The following PCP4L1 variants were observed in gnomAD, a reference collection of about 807,000 sequenced individuals.
PCP4L1 encodes the protein Purkinje cell protein 4-like protein 1.
PCP4L1 carries 9 observed loss-of-function variants against 9.6 expected under a neutral mutation model. The ratio of observed to expected loss-of-function variants is 0.94; its 90% confidence interval spans 0.57 to 1.64. The LOEUF is 1.64. Ranked by LOEUF, PCP4L1 falls within the 40% of genes most tolerant of loss-of-function variation. The pLI is 0.00. For missense variants in PCP4L1, 81 were observed against 80.8 expected, an observed-to-expected ratio of 1.00 and a Z score of -0.01; for synonymous variants, 31 against 28.2, an observed-to-expected ratio of 1.10 and a Z score of -0.31.
chr1:161,279,032 C>T (rs1364095189), intron 1 of PCP4L1, among the ~76,000 whole-genome samples: 2 of 152,072 alleles, frequency 1.3e-5, no homozygotes. Context: ...ATCCGCCCAC[C>T]TTGGCCTCCC....
intron 1 of PCP4L1, among the ~76,000 whole-genome samples, chr1:161,275,969 G>A (rs1344240170): frequency 6.6e-6 from 1 of 151,650 alleles, no homozygotes; most frequent in Non-Finnish European, 1.5e-5. Context: ...CTAATTTTGT[G>A]TTTTTAGTAG....
At chr1:161,266,705 TAA>T (rs1403112380) in intron 1 of PCP4L1, among the ~76,000 whole-genome samples, 1 of 152,136 alleles carries the variant, frequency 6.6e-6, no homozygotes, top group African/African-American at 2.4e-5. Flanking sequence ...GTATATATAT[TAA>T]GAGAGGAATG....
chr1:161,270,125 G>A (rs566671966), intron 1 of PCP4L1, among the ~76,000 whole-genome samples: 10 of 151,782 alleles, frequency 6.6e-5, no homozygotes, highest in South Asian at 6.3e-4. Context: ...GGTGAAACCC[G>A]GTCTCTACTA....
chr1:161,275,657 C>T (rs775228660), intron 1 of PCP4L1, among the ~76,000 whole-genome samples: 25 of 151,842 alleles, frequency 1.6e-4, no homozygotes, highest in Admixed American at 4.6e-4. Context: ...GATCAGAGTC[C>T]GAGATTTACT....
At chr1:161,270,236 G>A (rs1321201258) in intron 1 of PCP4L1, among the ~76,000 whole-genome samples, 1 of 152,138 alleles carries the variant, frequency 6.6e-6, no homozygotes, top group African/African-American at 2.4e-5. Context: ...GTCAGAGGCT[G>A]CAGTGAGCTG....
At chr1:161,283,821 G>T in intron 2 of PCP4L1, 99 bp downstream of exon 2, 3 of 1,240,458 alleles carry the variant, frequency 2.4e-6, no homozygotes, top group Non-Finnish European at 3.4e-6. Context: ...AGACATGAAA[G>T]GAATAAGAAT....
chr1:161,284,563 G>A lies in PCP4L1; in HGVS notation c.*82G>A. Reference sequence around the variant, plus strand: ...CCACACCCATGTATCTTTATCCCTTGTCCCTCTAGCCTTTCCTTGAGGCAA... The same window carrying A: ...CCACACCCATGTATCTTTATCCCTTATCCCTCTAGCCTTTCCTTGAGGCAA... On this transcript the variant is annotated 3_prime_UTR_variant, in exon 3 of 3. Transcript: ENST00000504449. The A allele has an allele frequency of 6.5e-7, 1 of 1,536,806 alleles. No individual in the cohort carries two copies. The highest frequency in any genetic ancestry group is 8.8e-7 in the Non-Finnish European group (1 of 1,137,494).
chr1:161,271,586 C>T (rs1669626566), intron 1 of PCP4L1, among the ~76,000 whole-genome samples: 1 of 152,110 alleles, frequency 6.6e-6, no homozygotes, highest in South Asian at 2.1e-4. Flanking sequence ...TCACTGCAAC[C>T]TCTGCCTCCA....
chr1:161,275,016 T>C (rs1176370045), intron 1 of PCP4L1, among the ~76,000 whole-genome samples: 1 of 151,364 alleles, frequency 6.6e-6, no homozygotes, highest in African/African-American at 2.4e-5. Context: ...CCCCGGGGGG[T>C]GGGGGGACCA....
chr1:161,262,412 C>T (rs1043072945), intron 1 of PCP4L1, among the ~76,000 whole-genome samples: 15 of 122,750 alleles, frequency 1.2e-4, no homozygotes, highest in Non-Finnish European at 1.9e-4. Flanking sequence ...CCAGCCTGGG[C>T]GACAGAGCGA....
rs549741009 is a variant in PCP4L1, at chr1:161,284,499, T to C, written c.*18T>C. The C allele has an allele frequency of 8.1e-6, 13 of 1,606,510 alleles. No homozygotes were observed. In the African/African-American group the frequency reaches 1.1e-4, roughly 13 times the overall value. On this transcript the variant is annotated 3_prime_UTR_variant, in exon 3 of 3. Transcript: ENST00000504449. Reference sequence around the variant, plus strand: ...GCTCCTGAATGGCCAGGCTTGCCCTTCACCTTCACCTTCATGCTGGTCCCT... The same window carrying C: ...GCTCCTGAATGGCCAGGCTTGCCCTCCACCTTCACCTTCATGCTGGTCCCT...
chr1:161,278,275 C>T (rs920165707), intron 1 of PCP4L1, among the ~76,000 whole-genome samples: 8 of 152,124 alleles, frequency 5.3e-5, no homozygotes, highest in Non-Finnish European at 1.2e-4. Flanking sequence ...AAACTTGTCT[C>T]AAGTCTTAGT....
chr1:161,266,744 T>G (rs1196147095), intron 1 of PCP4L1, among the ~76,000 whole-genome samples: 1 of 152,132 alleles, frequency 6.6e-6, no homozygotes, highest in African/African-American at 2.4e-5. Flanking sequence ...GCAGTAAGGA[T>G]TCCTAGTTCT....
chr1:161,270,729 G>C (rs1669610883), intron 1 of PCP4L1, among the ~76,000 whole-genome samples: 1 of 152,030 alleles, frequency 6.6e-6, no homozygotes, highest in South Asian at 2.1e-4. Flanking sequence ...AACAAAATTA[G>C]CTGGGCATGG....
chr1:161,260,540 T>A lies in PCP4L1; in HGVS notation c.9+1557T>A, dbSNP rs564261880. 2.0e-5 allele frequency among the ~76,000 whole-genome samples: 3 copies of A among 152,304 alleles called. No individual in the cohort carries two copies. The East Asian group carries it at 5.8e-4, about 29-fold the overall frequency. The stretch of plus-strand genomic sequence containing the variant: ...CAAGCCATCCCCTGGGAGTTTGTGA[T>A]CTGAAGGCTATGCCAACGTGAGGAT... On this transcript the variant is annotated intron_variant, in intron 1 of 2. Transcript: ENST00000504449.
chr1:161,263,877 C>T (rs113202954), intron 1 of PCP4L1, among the ~76,000 whole-genome samples: 14,091 of 138,064 alleles, frequency 0.1, 863 homozygotes, highest in Middle Eastern at 0.16. Context: ...AGCTACCATG[C>T]TTGGCCTCAA....
intron 1 of PCP4L1, among the ~76,000 whole-genome samples, chr1:161,266,192 G>A (rs2501878): frequency 0.62 from 93,622 of 151,922 alleles, 29,396 homozygotes; most frequent in African/African-American, 0.74. Context: ...CCCACCCAGG[G>A]AAAAGGGGTA....
intron 1 of PCP4L1, among the ~76,000 whole-genome samples, chr1:161,267,751 A>G (rs1308073215): frequency 6.6e-6 from 1 of 152,010 alleles, no homozygotes; most frequent in Non-Finnish European, 1.5e-5. Context: ...TCTGTTGCCT[A>G]GGCTGGAGTG....
intron 1 of PCP4L1, among the ~76,000 whole-genome samples, chr1:161,268,829 G>A (rs1025098648): frequency 6.6e-6 from 1 of 152,148 alleles, no homozygotes; most frequent in Admixed American, 6.5e-5. Flanking sequence ...GATTACAGGC[G>A]TGAGCCACCA....
Sources: allele counts gnomAD v4.1 joint callset (sites outside exome capture counted in the v4.1 genomes callset), GRCh38; gene constraint gnomAD v4.1.1; transcripts MANE v1.5; gene names NCBI Gene and HGNC (gene_info 2026-07-23, HGNC 2026-07-21).